Variants in SLC2A9 observed in about 807,000 individuals in gnomAD.
The protein encoded by SLC2A9 is solute carrier family 2 member 9.
Under a neutral mutation model 50.6 loss-of-function variants are expected in SLC2A9, and 39 were observed. The observed-to-expected ratio is 0.77, with a 90% confidence interval of 0.60 to 1.01. SLC2A9 has a LOEUF of 1.01. SLC2A9 is among the 50% of genes least tolerant of loss of function. The pLI is 0.00. For missense variants in SLC2A9, 686 were observed against 677.6 expected (o/e 1.01, Z -0.14); for synonymous variants, 324 against 276.9 (o/e 1.17, Z -1.69).
At chr4:9,996,448 G>C (rs933037677) in intron 3 of SLC2A9, among the ~76,000 whole-genome samples, 1 of 152,268 alleles carries the variant, frequency 6.6e-6, no homozygotes, top group Non-Finnish European at 1.5e-5. Context: ...TTTCACATGG[G>C]TGTGACCAGT....
In SLC2A9 at chr4:9,999,381, A is replaced by G. The variant is rs1384891475; in HGVS notation, c.250-2440T>C. ...AGTGTTAGATTTATACTCAGTCTTTAAAGTGTGTGTGTGTGTGTACGGGCA... is the reference window on the plus strand; with the variant it reads ...AGTGTTAGATTTATACTCAGTCTTTGAAGTGTGTGTGTGTGTGTACGGGCA... On this transcript the variant is annotated intron_variant, in intron 2 of 11. Transcript: ENST00000264784. Among the ~76,000 whole-genome samples, 4 of 151,202 alleles carry G rather than the reference A, an allele frequency of 2.6e-5. No individual in the cohort carries two copies. In the East Asian group the frequency reaches 7.7e-4, roughly 29 times the overall value.
At chr4:9,999,074 TTC>T (rs2109312952) in intron 2 of SLC2A9, among the ~76,000 whole-genome samples, 1 of 59,304 alleles carries the variant, frequency 1.7e-5, no homozygotes, top group Non-Finnish European at 3.8e-5. Flanking sequence ...TGGTAGGTCC[TTC>T]TTTTTTTTTT....
chr4:9,982,201 A>G lies in SLC2A9; in HGVS notation c.536-1464T>C, dbSNP rs1393388695. ...GGACCGGCTTTAAATTCTTTATTACAAACAGATCGGCCAGTTCAGGTAATA... is the reference window on the plus strand; with the variant it reads ...GGACCGGCTTTAAATTCTTTATTACGAACAGATCGGCCAGTTCAGGTAATA... On this transcript the variant is annotated intron_variant, in intron 4 of 11. Transcript: ENST00000264784. Among the ~76,000 whole-genome samples the G allele has an allele frequency of 2.6e-5, 4 of 152,146 alleles. No individual in the cohort carries two copies. In the East Asian group the frequency reaches 7.7e-4, roughly 29 times the overall value.
intron 3 of SLC2A9, among the ~76,000 whole-genome samples, chr4:9,809,819 C>T (rs1259920816): frequency 6.6e-6 from 1 of 151,866 alleles, no homozygotes; most frequent in Non-Finnish European, 1.5e-5. Context: ...CCTATACAAC[C>T]CTAATCTAGC....
downstream of SLC2A9, among the ~76,000 whole-genome samples, chr4:9,825,606 G>A (rs774432473): frequency 2.0e-5 from 3 of 151,962 alleles, no homozygotes; most frequent in Non-Finnish European, 4.4e-5. Context: ...TTTGGATGGA[G>A]GTCAATTTTC....
rs113244927 is a variant in SLC2A9, at chr4:9,986,914, C to A, written c.411-1121G>T. ...AGCTAGGAGACTTTGAACTTCATTT[C>A]TCTGTGTTTTCTTTTCCTCACTTTT... is the stretch of plus-strand genomic sequence containing the variant. On this transcript the variant is annotated intron_variant, in intron 3 of 11. Coordinates refer to ENST00000264784, the MANE Select transcript of SLC2A9 (RefSeq NM_020041.3). 7.4e-3 allele frequency among the ~76,000 whole-genome samples: 1,131 copies of A among 152,298 alleles called. 10 individuals are homozygous for A. Among genetic ancestry groups the A allele is most frequent in the African/African-American group, 0.025 (1,049 of 41,560 alleles).
chr4:9,915,427 T>C (rs1419240151), intron 7 of SLC2A9, among the ~76,000 whole-genome samples: 1 of 152,164 alleles, frequency 6.6e-6, no homozygotes, highest in African/African-American at 2.4e-5. Flanking sequence ...AGTAGAGACT[T>C]GTTTCTCCAT....
chr4:9,966,680 T>A (rs1017793932), intron 5 of SLC2A9, among the ~76,000 whole-genome samples: 3 of 151,856 alleles, frequency 2.0e-5, no homozygotes, highest in Non-Finnish European at 4.4e-5. Flanking sequence ...CTGGAAACAA[T>A]CCAAATGTCC....
chr4:9,868,152 T>G (rs1394921853), intron 10 of SLC2A9, among the ~76,000 whole-genome samples: 1 of 152,240 alleles, frequency 6.6e-6, no homozygotes, highest in Non-Finnish European at 1.5e-5. Context: ...CTCTGCTATG[T>G]TCCTGCTGGA....
At chr4:9,849,980 G>A (rs1455665203) in intron 10 of SLC2A9, among the ~76,000 whole-genome samples, 3 of 141,716 alleles carry the variant, frequency 2.1e-5, no homozygotes, top group Non-Finnish European at 4.7e-5. Context: ...GTCGAGCTAG[G>A]AGGAACATCT....
At position 9,958,579 on chromosome 4, in the gene SLC2A9, A is replaced by T. The variant is rs1348822630; in HGVS notation, c.682-16534T>A. Among the ~76,000 whole-genome samples, 5 of 152,206 alleles carry T rather than the reference A, an allele frequency of 3.3e-5. No homozygotes were observed. In the East Asian group the frequency reaches 7.7e-4, roughly 23 times the overall value. Reference sequence around the variant, plus strand: ...TAGGTGCAACAAACCACTATGGCACATGTATACCTATGTAACAAACCTGCA... The same window carrying T: ...TAGGTGCAACAAACCACTATGGCACTTGTATACCTATGTAACAAACCTGCA... On this transcript the variant is annotated intron_variant, in intron 5 of 11. Coordinates refer to ENST00000264784, the MANE Select transcript of SLC2A9 (RefSeq NM_020041.3).
chr4:9,877,250 CAAGT>C (rs764301247), intron 10 of SLC2A9, among the ~76,000 whole-genome samples: 28 of 152,326 alleles, frequency 1.8e-4, no homozygotes, highest in African/African-American at 6.3e-4. Context: ...ATTCATTCAA[CAAGT>C]AAGAATGTGC....
intron 3 of SLC2A9, among the ~76,000 whole-genome samples, chr4:9,790,150 C>T (rs1560119275): frequency 6.6e-6 from 1 of 152,210 alleles, no homozygotes; most frequent in Non-Finnish European, 1.5e-5. Context: ...GGAGAACCCC[C>T]CTTTTGGGCT....
At chr4:9,785,099 G>C (rs763145936) in intron 3 of SLC2A9, among the ~76,000 whole-genome samples, 52 of 152,106 alleles carry the variant, frequency 3.4e-4, no homozygotes, top group Non-Finnish European at 6.8e-4. Flanking sequence ...GGATAGCTAA[G>C]CGAACCATTA....
chr4:9,830,336 G>C (rs1248826499), intron 11 of SLC2A9, among the ~76,000 whole-genome samples: 1 of 152,174 alleles, frequency 6.6e-6, no homozygotes, highest in Non-Finnish European at 1.5e-5. Context: ...ACACATTGAG[G>C]GGAACAATAC....
intron 1 of SLC2A9, among the ~76,000 whole-genome samples, chr4:10,027,909 C>A (rs190051031): frequency 6.6e-6 from 1 of 152,142 alleles, no homozygotes; most frequent in Non-Finnish European, 1.5e-5. Flanking sequence ...ACTATAGTTA[C>A]CCTGCTGATC....
chr4:10,021,618 ATG>A, upstream of SLC2A9: 2 of 811,422 alleles, frequency 2.5e-6, no homozygotes, highest in South Asian at 1.6e-5. Context: ...TATTACAGCA[ATG>A]AAACAGTCCA....
At chr4:10,031,513 C>A (rs1408810547) in intron 1 of SLC2A9, among the ~76,000 whole-genome samples, 2 of 152,242 alleles carry the variant, frequency 1.3e-5, no homozygotes, top group African/African-American at 4.8e-5. Flanking sequence ...TGCTCCTGGG[C>A]AGCCCAAGAC....
rs141359209 is a variant in SLC2A9 at position 9,813,444 on chromosome 4, A to G, written n.420+12976T>C. Among the ~76,000 whole-genome samples the G allele has an allele frequency of 2.8e-3, 434 of 152,314 alleles. 4 individuals are homozygous for G. The highest frequency in any genetic ancestry group is 9.4e-3 in the African/African-American group (391 of 41,572). ...CTAATCCTCACTGGAGATGCAGCTC[A>G]CATCTGCATCTGCACCTGCCCTGGT... On this transcript the variant is annotated intron_variant and non_coding_transcript_variant, in intron 3 of 3. Transcript: ENST00000503280.
Sources: gnomAD v4.1 joint callset for allele counts (sites outside exome capture counted in the v4.1 genomes callset) on GRCh38, gnomAD v4.1.1 for gene constraint, MANE v1.5 for transcripts, NCBI Gene and HGNC (gene_info 2026-07-23, HGNC 2026-07-21) for gene names.